The following AP1G1 variants were observed in gnomAD, a reference collection of about 807,000 sequenced individuals.
AP1G1 encodes AP-1 complex subunit gamma-1.
In AP1G1, 7 loss-of-function variants were observed where a neutral mutation model predicts 108.3. The ratio of observed to expected loss-of-function variants is 0.06; its 90% confidence interval spans 0.04 to 0.12. The LOEUF (loss-of-function observed/expected upper bound fraction) is 0.12. Among genes scored for constraint, AP1G1 ranks in the 10% least tolerant of loss-of-function variants. AP1G1 has a pLI of 1.00. For missense variants in AP1G1, 756 were observed against 1,010.7 expected (o/e 0.75, Z 3.42); for synonymous variants, 379 against 353.5 (o/e 1.07, Z -0.81).
chr16:71,796,667 A>G (rs1364278147), intron 1 of AP1G1, among the ~76,000 whole-genome samples: 1 of 152,200 alleles, frequency 6.6e-6, no homozygotes, highest in Non-Finnish European at 1.5e-5. Context: ...GTAGGATCAC[A>G]TTGAGATACC....
chr16:71,768,192 TAAAAAAAAAA>T lies in AP1G1; in HGVS notation c.642+1421_642+1430del, dbSNP rs10610445. ...AAATGTCCAGTTTAAAATACTAGTT[TAAAAAAAAAA>T]AAAAAAAAAAAAAGGCCGGGCGCGG... On this transcript the variant is annotated intron_variant, in intron 6 of 22. Transcript: ENST00000299980. Among the ~76,000 whole-genome samples, 43 of 99,806 alleles carry T rather than the reference TAAAAAAAAAA, an allele frequency of 4.3e-4. No homozygotes were observed. In the Middle Eastern group the frequency reaches 0.026, roughly 61 times the overall value. 65.5% of individuals were successfully genotyped at this position (99,806 alleles called of 152,430 possible).
intron 9 of AP1G1, 57 bp from the exon 10 acceptor site, chr16:71,761,624 C>T (rs2031088044): frequency 1.5e-6 from 2 of 1,341,776 alleles, no homozygotes; most frequent in East Asian, 2.3e-5. Context: ...ATATTGTTTC[C>T]TGAGTTTAAA....
rs955565362 is a variant in AP1G1 at position 71,799,053 on chromosome 16, T to C, written c.-3-9571A>G. ...CTCGGTAAAGGAAATCCAATGGCTA[T>C]TATACGTATCAAATAAGGCTAGCCC... On this transcript the variant is annotated intron_variant, in intron 1 of 22. Coordinates refer to ENST00000299980, the MANE Select transcript of AP1G1 (RefSeq NM_001128.6). Among the ~76,000 whole-genome samples the C allele has an allele frequency of 3.9e-5, 6 of 152,150 alleles. No homozygotes were observed. The East Asian group carries it at 9.6e-4, about 24-fold the overall frequency.
rs1370531525 is a variant in AP1G1 at position 71,731,174 on chromosome 16, C to T, written c.*1884G>A. On this transcript the variant is annotated 3_prime_UTR_variant, in exon 23 of 23. Coordinates refer to ENST00000299980, the MANE Select transcript of AP1G1 (RefSeq NM_001128.6). ...GCAGAGCAGTTGTCTGAAATATGCA[C>T]TAGTCCACACTTACATTACTGAAAA... The T allele has an allele frequency of 6.6e-6, 1 of 152,482 alleles. No individual in the cohort carries two copies. Among genetic ancestry groups the T allele is most frequent in the African/African-American group, 2.4e-5 (1 of 41,458 alleles). 9.4% of individuals were successfully genotyped at this position (152,482 alleles called of 1,614,324 possible). A position where few individuals can be genotyped will look rare whatever the true frequency, so the allele number is the denominator to read the frequency against.
intron 17 of AP1G1, among the ~76,000 whole-genome samples, 169 bp from the exon 18 acceptor site, chr16:71,745,783 T>C (rs913210520): frequency 9.9e-5 from 15 of 152,198 alleles, no homozygotes; most frequent in Non-Finnish European, 2.9e-5. Context: ...CCTAAATTCC[T>C]GGCTGGATTA....
At position 71,808,031 on chromosome 16, in the gene AP1G1, G is replaced by A. The variant is rs1441674873; in HGVS notation, c.-4+732C>T. ...AAACATTACCCTGAGCGAGTGGTTC[G>A]ATGGATCTCCTACACCGAGTCCTAA... On this transcript the variant is annotated intron_variant, in intron 1 of 22. Transcript: ENST00000299980. 7 of 1,200,706 alleles carry A rather than the reference G, an allele frequency of 5.8e-6. No homozygotes were observed. The African/African-American group carries it at 9.6e-5, about 16-fold the overall frequency. 74.4% of individuals were successfully genotyped at this position (1,200,706 alleles called of 1,614,324 possible).
In AP1G1 at chr16:71,808,785, C is replaced by G. The variant is rs942644222; in HGVS notation, c.-26G>C. On this transcript the variant is annotated 5_prime_UTR_variant, in exon 1 of 23. Transcript: ENST00000299980. ...CACCGGCCCGAAACCTCGAATGAAA[C>G]CAGCAGCTCCGGGGGCGGCGGCAGC... The G allele has an allele frequency of 2.3e-6, 3 of 1,289,576 alleles. No individual in the cohort carries two copies. The South Asian group carries it at 3.7e-5, about 16-fold the overall frequency. The allele number at this position is 1,289,576 out of a possible 1,614,324, so 79.9% of individuals were successfully genotyped here. A position where few individuals can be genotyped will look rare whatever the true frequency, so the allele number is the denominator to read the frequency against.
intron 19 of AP1G1, chr16:71,742,626 T>C (rs2029923651): frequency 6.6e-6 from 1 of 152,058 alleles, no homozygotes; most frequent in Non-Finnish European, 1.5e-5. Context: ...TAAGAACAAA[T>C]TGATGTAATA....
intron 4 of AP1G1, 58 bp downstream of exon 4, chr16:71,773,163 C>T: frequency 6.3e-7 from 1 of 1,574,920 alleles, no homozygotes. Context: ...AGTAATCTGC[C>T]TTCTCATCTC....
intron 2 of AP1G1, among the ~76,000 whole-genome samples, chr16:71,775,339 C>G (rs1030968253): frequency 3.3e-5 from 5 of 152,046 alleles, no homozygotes; most frequent in African/African-American, 9.7e-5. Flanking sequence ...GCCAAACTAC[C>G]TAAATCTTTT....
rs1381499563 is a variant in AP1G1, at chr16:71,739,333, C to T, written c.2008G>A (p.Ala670Thr). The change falls in exon 20 of 23, where the codon GCT (alanine) becomes ACT (threonine). Residue 670 changes from alanine (A) to threonine (T), a missense_variant. This residue lies in a region of AP1G1 where 357 missense variants were observed against 366.5 expected (regional missense o/e 0.97). Transcript: ENST00000299980. The stretch of plus-strand genomic sequence containing the variant: ...ACTGAGGCAGGGGCAGGAGCAGCAG[C>T]TGGAGCACCTAAAGGAAATATTTTA... Reference protein sequence around the residue: ...LGDINLTGAPAAAPAPASVPQ... With the variant: ...LGDINLTGAPTAAPAPASVPQ... 1.9e-6 allele frequency: 3 copies of T among 1,598,300 alleles called. No homozygotes were observed. The highest frequency in any genetic ancestry group is 2.6e-6 in the Non-Finnish European group (3 of 1,176,106).
intron 1 of AP1G1, among the ~76,000 whole-genome samples, chr16:71,795,010 A>C (rs929121968): frequency 6.6e-6 from 1 of 151,984 alleles, no homozygotes; most frequent in African/African-American, 2.4e-5. Flanking sequence ...AATATCTTTA[A>C]AAAAATTGAA....
chr16:71,750,890 C>T lies in AP1G1; in HGVS notation c.1285-558G>A, dbSNP rs541945079. Among the ~76,000 whole-genome samples the T allele has an allele frequency of 8.3e-4, 126 of 151,770 alleles. 2 individuals are homozygous for T. Among genetic ancestry groups the T allele is most frequent in the Middle Eastern group, 6.8e-3 (2 of 292 alleles). On this transcript the variant is annotated intron_variant, in intron 13 of 22. Coordinates refer to ENST00000299980, the MANE Select transcript of AP1G1 (RefSeq NM_001128.6). Reference sequence around the variant, plus strand: ...TTTGTCCAAAGGCCGGGTGTGGTGGCTCACGCCTGTAATCCCAGCACTTTG... The same window carrying T: ...TTTGTCCAAAGGCCGGGTGTGGTGGTTCACGCCTGTAATCCCAGCACTTTG...
At position 71,765,723 on chromosome 16, in the gene AP1G1, T is replaced by C. The variant is rs1374183892; in HGVS notation, c.643-139A>G. On this transcript the variant is annotated intron_variant, in intron 6 of 22. Transcript: ENST00000299980. The stretch of plus-strand genomic sequence containing the variant: ...ACTGATTTAATATACTAGTGTATTG[T>C]AGATGTTTGATAAACTTAGGAGTAA... 4.8e-5 allele frequency: 31 copies of C among 646,418 alleles called. No individual in the cohort carries two copies. In the East Asian group the frequency reaches 5.6e-4, roughly 12 times the overall value. The allele number at this position is 646,418 out of a possible 1,614,324, so 40.0% of individuals were successfully genotyped here.
At chr16:71,759,237 T>C (rs1329417142) in intron 10 of AP1G1, among the ~76,000 whole-genome samples, 2 of 152,124 alleles carry the variant, frequency 1.3e-5, no homozygotes, top group Admixed American at 6.6e-5. Context: ...GGCAGGTGGA[T>C]ACCTGAGGTC....
At chr16:71,748,018 C>T (rs1236661671) in intron 16 of AP1G1, among the ~76,000 whole-genome samples, 1 of 152,142 alleles carries the variant, frequency 6.6e-6, no homozygotes, top group African/African-American at 2.4e-5. Flanking sequence ...TTTTCTGCTT[C>T]AAAATAATCC....
chr16:71,753,067 A>T (rs1222485186), intron 13 of AP1G1, among the ~76,000 whole-genome samples: 1 of 152,150 alleles, frequency 6.6e-6, no homozygotes, highest in African/African-American at 2.4e-5. Flanking sequence ...TTCAATTTTT[A>T]AATTTTAATA....
intron 1 of AP1G1, among the ~76,000 whole-genome samples, chr16:71,801,691 G>A (rs1326612428): frequency 6.6e-6 from 1 of 152,174 alleles, no homozygotes; most frequent in South Asian, 2.1e-4. Flanking sequence ...GGGAGGCTGA[G>A]GCGGGCAGAT....
rs1419524664 is a variant in AP1G1 at position 71,763,037 on chromosome 16, C to T, written c.918+1313G>A. On this transcript the variant is annotated intron_variant, in intron 9 of 22. Transcript: ENST00000299980. ...CCAGCTGGTATTCACCAGAAAACTGCTTGATGTATAGGGAAATAGCCCCAA... is the reference window on the plus strand; with the variant it reads ...CCAGCTGGTATTCACCAGAAAACTGTTTGATGTATAGGGAAATAGCCCCAA... Among the ~76,000 whole-genome samples the T allele has an allele frequency of 2.6e-5, 4 of 152,126 alleles. No individual in the cohort carries two copies. The South Asian group carries it at 6.2e-4, about 24-fold the overall frequency.
Sources: allele counts gnomAD v4.1 joint callset (sites outside exome capture counted in the v4.1 genomes callset), GRCh38; gene constraint gnomAD v4.1.1; regional missense constraint gnomAD v4.1.1; transcripts MANE v1.5; gene names NCBI Gene and HGNC (gene_info 2026-07-23, HGNC 2026-07-21).